The following UNC5D variants were observed in gnomAD, a reference collection of about 807,000 sequenced individuals.
UNC5D encodes unc-5 netrin receptor D.
A neutral mutation model predicts 105.4 loss-of-function variants in UNC5D; 39 were observed. That is an observed-to-expected ratio of 0.37 (90% CI 0.29 to 0.48). The LOEUF (loss-of-function observed/expected upper bound fraction) is 0.48. Among genes scored for constraint, UNC5D ranks in the 20% least tolerant of loss-of-function variants. The pLI is 0.98. For synonymous variants in UNC5D, 452 were observed against 450.4 expected (o/e 1.00, Z -0.04); for missense variants, 991 against 1,202.4 (o/e 0.82, Z 2.60).
intron 4 of UNC5D, among the ~76,000 whole-genome samples, chr8:35,656,035 C>A (rs1033941778): frequency 6.6e-6 from 1 of 152,126 alleles, no homozygotes; most frequent in Non-Finnish European, 1.5e-5. Flanking sequence ...TTTAATTATG[C>A]TTATGTAATC....
intron 16 of UNC5D, among the ~76,000 whole-genome samples, chr8:35,776,112 G>GT (rs1405666177): frequency 6.6e-6 from 1 of 152,054 alleles, no homozygotes; most frequent in Non-Finnish European, 1.5e-5. Context: ...ATATAACACG[G>GT]TTAAAAAAGA....
intron 1 of UNC5D, among the ~76,000 whole-genome samples, chr8:35,549,034 C>T (rs1421932299): frequency 6.6e-6 from 1 of 152,200 alleles, no homozygotes; most frequent in Non-Finnish European, 1.5e-5. Flanking sequence ...GGATTCAAAA[C>T]AGAAATTTGA....
intron 4 of UNC5D, among the ~76,000 whole-genome samples, chr8:35,671,234 G>T (rs1824782798): frequency 6.6e-6 from 1 of 152,062 alleles, no homozygotes; most frequent in African/African-American, 2.4e-5. Context: ...TAATTGCTAG[G>T]CATATTCTAA....
intron 1 of UNC5D, among the ~76,000 whole-genome samples, chr8:35,385,283 T>A (rs927088010): frequency 1.3e-5 from 2 of 152,138 alleles, no homozygotes; most frequent in Non-Finnish European, 2.9e-5. Flanking sequence ...TGATCTTCCC[T>A]AGGGCTGAAT....
chr8:35,474,049 A>G lies in UNC5D; in HGVS notation c.104-75243A>G, dbSNP rs145772872. On this transcript the variant is annotated intron_variant, in intron 1 of 16. Coordinates refer to ENST00000404895, the MANE Select transcript of UNC5D (RefSeq NM_080872.4). ...TGCCTTCATGACCCCAACACCTCCC[A>G]TTAAGTTTACCTCCCAACACCACTG... 3.3e-3 allele frequency among the ~76,000 whole-genome samples: 503 copies of G among 152,292 alleles called. 4 individuals are homozygous for G. The highest frequency in any genetic ancestry group is 0.011 in the African/African-American group (462 of 41,566).
At chr8:35,677,509 G>A (rs952141290) in intron 4 of UNC5D, among the ~76,000 whole-genome samples, 1 of 151,938 alleles carries the variant, frequency 6.6e-6, no homozygotes, top group Non-Finnish European at 1.5e-5. Context: ...TTCTACATTA[G>A]GGGCACTTAG....
intron 10 of UNC5D, among the ~76,000 whole-genome samples, chr8:35,728,095 A>AAAAAT (rs34672872): frequency 2.7e-4 from 30 of 110,362 alleles, no homozygotes; most frequent in African/African-American, 1.5e-3. Flanking sequence ...AAAAAAAAAA[A>AAAAAT]ATATATATAT....
chr8:35,642,984 G>A (rs777598640), intron 4 of UNC5D, among the ~76,000 whole-genome samples: 4 of 152,146 alleles, frequency 2.6e-5, no homozygotes, highest in African/African-American at 7.2e-5. Context: ...TTAGAAACAT[G>A]CTAGGAAGAC....
chr8:35,302,015 G>C (rs528389638), intron 1 of UNC5D, among the ~76,000 whole-genome samples: 12 of 152,238 alleles, frequency 7.9e-5, no homozygotes, highest in Admixed American at 5.2e-4. Context: ...GTGAAATTTG[G>C]CAATGGCGAG....
chr8:35,709,003 C>G (rs1410454458), intron 8 of UNC5D, among the ~76,000 whole-genome samples: 1 of 152,072 alleles, frequency 6.6e-6, no homozygotes, highest in Non-Finnish European at 1.5e-5. Context: ...TCCTAGAGCC[C>G]TCTTATTTCC....
intron 4 of UNC5D, among the ~76,000 whole-genome samples, chr8:35,662,166 A>G (rs1824142744): frequency 6.7e-6 from 1 of 148,466 alleles, no homozygotes; most frequent in Non-Finnish European, 1.5e-5. Context: ...AGAGTCCAAA[A>G]GGAACTAAAC....
chr8:35,493,986 C>T (rs894508378), intron 1 of UNC5D, among the ~76,000 whole-genome samples: 24 of 152,012 alleles, frequency 1.6e-4, no homozygotes, highest in Middle Eastern at 3.4e-3. Context: ...TTGGATACAC[C>T]GGGAGAGGAC....
chr8:35,627,329 T>A (rs1821749522), intron 4 of UNC5D, among the ~76,000 whole-genome samples: 1 of 152,200 alleles, frequency 6.6e-6, no homozygotes. Flanking sequence ...ATCTCGTAAT[T>A]TCTGACCTAA....
intron 1 of UNC5D, among the ~76,000 whole-genome samples, chr8:35,277,881 G>A (rs1429796651): frequency 6.6e-6 from 1 of 152,184 alleles, no homozygotes; most frequent in Non-Finnish European, 1.5e-5. Flanking sequence ...TTCTTTCAGA[G>A]ATGGTATTGA....
At chr8:35,733,638 A>C (rs1007206701) in intron 11 of UNC5D, among the ~76,000 whole-genome samples, 1 of 152,308 alleles carries the variant, frequency 6.6e-6, no homozygotes, top group East Asian at 1.9e-4. Context: ...CCACATCTTT[A>C]TGCTGTCTTG....
chr8:35,357,170 A>G (rs1801603562), intron 1 of UNC5D, among the ~76,000 whole-genome samples: 1 of 152,066 alleles, frequency 6.6e-6, no homozygotes, highest in African/African-American at 2.4e-5. Flanking sequence ...ACTGCATCTG[A>G]AAGGATCATC....
At chr8:35,587,003 G>T (rs983896262) in intron 3 of UNC5D, among the ~76,000 whole-genome samples, 4 of 152,156 alleles carry the variant, frequency 2.6e-5, no homozygotes, top group Non-Finnish European at 5.9e-5. Flanking sequence ...TGAGGAAGGG[G>T]AGGCTGCTGC....
At chr8:35,312,545 G>A (rs1013089806) in intron 1 of UNC5D, among the ~76,000 whole-genome samples, 1 of 152,200 alleles carries the variant, frequency 6.6e-6, no homozygotes, top group Non-Finnish European at 1.5e-5. Context: ...ATTATTAGGT[G>A]TGGAAATTGG....
intron 4 of UNC5D, among the ~76,000 whole-genome samples, chr8:35,640,628 C>T (rs115815030): frequency 9.5e-4 from 144 of 152,146 alleles, no homozygotes; most frequent in African/African-American, 3.2e-3. Context: ...AGCAGGATGA[C>T]GCAGTGGAAG....
Sources: gnomAD v4.1 joint callset for allele counts (sites outside exome capture counted in the v4.1 genomes callset) on GRCh38, gnomAD v4.1.1 for gene constraint, MANE v1.5 for transcripts, NCBI Gene and HGNC (gene_info 2026-07-23, HGNC 2026-07-21) for gene names.